Variants in EXT1 observed in about 807,000 individuals in gnomAD.
EXT1 encodes exostosin-1.
Under a neutral mutation model 82.5 loss-of-function variants are expected in EXT1, and 20 were observed. The observed-to-expected ratio is 0.24, with a 90% CI of 0.17 to 0.35. EXT1 has a LOEUF of 0.35. Ranked by LOEUF, EXT1 falls within the 10% of genes least tolerant of loss-of-function variation. The probability of loss-of-function intolerance (pLI) is 1.00; values close to 1 mark genes in which losing one functional copy is unlikely to be tolerated. For synonymous variants in EXT1, 348 were observed against 350.8 expected, an observed-to-expected ratio of 0.99 and a Z score of 0.09; for missense variants, 757 against 936.5, an observed-to-expected ratio of 0.81 and a Z score of 2.50.
rs1817880793 is a variant in EXT1, at chr8:118,110,631, T to C, written c.416A>G (p.Glu139Gly). The C allele has an allele frequency of 1.2e-6, 2 of 1,614,028 alleles. No individual in the cohort carries two copies. The highest frequency in any genetic ancestry group is 1.3e-5 in the African/African-American group (1 of 74,896). Reference sequence around the variant, plus strand: ...GTCCGAGGTGTAGAACCTGGAGCCCTCGATGGCCGCTAGAATGTTTTGGTA... The same window carrying C: ...GTCCGAGGTGTAGAACCTGGAGCCCCCGATGGCCGCTAGAATGTTTTGGTA... The part of the protein sequence containing the change: ...ESYQNILAAI[E>G]GSRFYTSDPS... The change falls in exon 1 of 11, where the codon GAG (glutamate) becomes GGG (glycine). Residue 139 changes from glutamate to glycine, a missense_variant. Glu to Gly is a moderately conservative substitution (Grantham distance 98). Around this residue, in one of 4 missense-constraint regions of EXT1, gnomAD observed 247 missense variants for 330.1 expected, o/e 0.75. Transcript: ENST00000378204.
intron 1 of EXT1, among the ~76,000 whole-genome samples, chr8:118,102,908 A>T (rs1046171295): frequency 6.6e-6 from 1 of 151,676 alleles, no homozygotes; most frequent in Non-Finnish European, 1.5e-5. Context: ...TAATCTCAGC[A>T]CTTTGGGAGG....
At chr8:117,933,465 C>T (rs1586293895) in intron 1 of EXT1, among the ~76,000 whole-genome samples, 1 of 152,202 alleles carries the variant, frequency 6.6e-6, no homozygotes, top group South Asian at 2.1e-4. Flanking sequence ...AGGCTGTTCT[C>T]CAAATCGTGA....
intron 1 of EXT1, among the ~76,000 whole-genome samples, chr8:117,857,171 A>G (rs915261915): frequency 6.6e-6 from 1 of 152,202 alleles, no homozygotes; most frequent in Non-Finnish European, 1.5e-5. Context: ...CAAGTCACCT[A>G]GTTACCCAAG....
intron 1 of EXT1, among the ~76,000 whole-genome samples, chr8:118,107,784 G>C (rs1165793261): frequency 6.6e-6 from 1 of 152,136 alleles, no homozygotes; most frequent in East Asian, 1.9e-4. Flanking sequence ...CCACTCAGAG[G>C]AATGAGTCAA....
At chr8:117,981,786 G>C (rs1048573114) in intron 1 of EXT1, among the ~76,000 whole-genome samples, 1 of 151,946 alleles carries the variant, frequency 6.6e-6, no homozygotes, top group Admixed American at 6.6e-5. Flanking sequence ...GCTGAGGCAC[G>C]AGAATCACTT....
intron 1 of EXT1, among the ~76,000 whole-genome samples, chr8:118,019,082 G>A (rs1243504907): frequency 5.9e-5 from 8 of 136,344 alleles, no homozygotes; most frequent in African/African-American, 2.0e-4. Context: ...TCTAGAGGCA[G>A]AGGAAAAAAA....
At chr8:118,076,255 TTCCCCATTAGA>T (rs1433307917) in intron 1 of EXT1, among the ~76,000 whole-genome samples, 1 of 152,224 alleles carries the variant, frequency 6.6e-6, no homozygotes, top group African/African-American at 2.4e-5. Context: ...GAATTTCACT[TTCCCCATTAGA>T]TCCCCATTCC....
intron 1 of EXT1, among the ~76,000 whole-genome samples, chr8:117,891,888 C>A (rs1217646441): frequency 1.4e-5 from 2 of 146,728 alleles, no homozygotes; most frequent in African/African-American, 5.0e-5. Context: ...CTCACTGCTA[C>A]CTCTGCCTCC....
At chr8:117,828,542 A>C (rs781691634) in intron 4 of EXT1, among the ~76,000 whole-genome samples, 16 of 152,244 alleles carry the variant, frequency 1.1e-4, no homozygotes, top group Non-Finnish European at 1.8e-4. Context: ...CACTCCAAAA[A>C]GGGAGAAACA....
intron 2 of EXT1, among the ~76,000 whole-genome samples, 153 bp downstream of exon 2, chr8:117,836,955 A>G (rs1812197239): frequency 6.6e-6 from 1 of 152,160 alleles, no homozygotes; most frequent in Admixed American, 6.5e-5. Context: ...CTCACTTGTC[A>G]AAAATGTTTT....
intron 1 of EXT1, among the ~76,000 whole-genome samples, chr8:118,094,874 C>T (rs1229441154): frequency 4.6e-5 from 7 of 152,174 alleles, no homozygotes; most frequent in African/African-American, 9.7e-5. Flanking sequence ...TTTTTGTCTA[C>T]GCTACACAAG....
At chr8:117,846,355 G>A (rs532021326) in intron 1 of EXT1, among the ~76,000 whole-genome samples, 245 of 152,222 alleles carry the variant, frequency 1.6e-3, no homozygotes, top group Non-Finnish European at 2.9e-3. Flanking sequence ...TGATACACCT[G>A]CCTCGGCCTC....
chr8:117,971,885 TCACG>T (rs1814947993), intron 1 of EXT1, among the ~76,000 whole-genome samples: 1 of 152,148 alleles, frequency 6.6e-6, no homozygotes, highest in African/African-American at 2.4e-5. Context: ...GTGCGGTGGC[TCACG>T]CCTGTAATCC....
intron 1 of EXT1, among the ~76,000 whole-genome samples, chr8:118,053,450 G>GA (rs1761080425): frequency 6.6e-6 from 1 of 152,220 alleles, no homozygotes. Context: ...TGGGCCCAGA[G>GA]AAAAAGAATC....
intron 1 of EXT1, among the ~76,000 whole-genome samples, chr8:118,007,261 C>T (rs1430616921): frequency 6.6e-6 from 1 of 151,810 alleles, no homozygotes; most frequent in African/African-American, 2.4e-5. Context: ...CGCGCCACTG[C>T]ACTCCAACCT....
Position 117,795,549 on chromosome 8 carries a change from C to T in EXT1, c.*4163G>A, listed in dbSNP as rs1263716420. 1 of 150,240 alleles carries T rather than the reference C, an allele frequency of 6.7e-6. No homozygotes were observed. Among genetic ancestry groups the T allele is most frequent in the Non-Finnish European group, 1.5e-5 (1 of 67,840 alleles). 9.3% of individuals were successfully genotyped at this position (150,240 alleles called of 1,614,324 possible). A position where few individuals can be genotyped will look rare whatever the true frequency, so the allele number is the denominator to read the frequency against. ...CAGTGGCTTACACCTGTAATCTCAG[C>T]ACTTTGGGAGGCAGAGGCAGGTGGA... is the stretch of plus-strand genomic sequence containing the variant. On this transcript the variant is annotated 3_prime_UTR_variant, in exon 11 of 11. Transcript: ENST00000378204.
Position 117,812,952 on chromosome 8 carries a change from T to C in EXT1, c.1642A>G (p.Ser548Gly), listed in dbSNP as rs780189656. Residue 548 changes from serine to glycine, a missense_variant, in exon 8 of 11, where the codon AGC becomes GGC. This residue lies in a region of EXT1 where 207 missense variants were observed against 224.2 expected (regional missense o/e 0.92). Coordinates refer to ENST00000378204, the MANE Select transcript of EXT1 (RefSeq NM_000127.3). ...VIEGESKVMS[S>G]RFLPYDNIIT... ...ATGTTGTCGTAGGGCAGAAAACGGCTGCTCATAACCTGGGAGGAAGTAGAA... is the reference window on the plus strand; with the variant it reads ...ATGTTGTCGTAGGGCAGAAAACGGCCGCTCATAACCTGGGAGGAAGTAGAA... The C allele has an allele frequency of 1.9e-6, 3 of 1,613,758 alleles. No homozygotes were observed. The highest frequency in any genetic ancestry group is 2.2e-5 in the East Asian group (1 of 44,832).
intron 1 of EXT1, among the ~76,000 whole-genome samples, chr8:118,019,246 TGAAAGAAAGAAAGAAA>T (rs58914414): frequency 1.0e-4 from 15 of 145,742 alleles, no homozygotes; most frequent in African/African-American, 3.3e-4. Flanking sequence ...GCAGTACGAT[TGAAAGAAAGAAAGAAA>T]GAAAGAAAGA....
At chr8:117,885,053 G>A (rs1343812525) in intron 1 of EXT1, among the ~76,000 whole-genome samples, 1 of 152,182 alleles carries the variant, frequency 6.6e-6, no homozygotes, top group Non-Finnish European at 1.5e-5. Context: ...ACAAATAGGT[G>A]TTTATTTTGA....
Sources: allele counts gnomAD v4.1 joint callset (sites outside exome capture counted in the v4.1 genomes callset), GRCh38; gene constraint gnomAD v4.1.1; regional missense constraint gnomAD v4.1.1; transcripts MANE v1.5; gene names NCBI Gene and HGNC (gene_info 2026-07-23, HGNC 2026-07-21).